Variants in SPAG16 observed in about 807,000 individuals in gnomAD.
SPAG16 encodes sperm-associated antigen 16 protein.
SPAG16 carries 86 observed loss-of-function variants against 80.4 expected under a neutral mutation model. The ratio of observed to expected loss-of-function variants is 1.07; its 90% confidence interval spans 0.90 to 1.28. The LOEUF is 1.28. Among genes scored for constraint, SPAG16 ranks in the 50% most tolerant of loss-of-function variants. The pLI is 0.00. For missense variants in SPAG16, 870 were observed against 765.3 expected (o/e 1.14, Z -1.61); for synonymous variants, 294 against 265.9 (o/e 1.11, Z -1.03).
At chr2:213,462,321 T>A (rs78595874) in intron 9 of SPAG16, among the ~76,000 whole-genome samples, 3,536 of 152,324 alleles carry the variant, frequency 0.023, 56 homozygotes, top group South Asian at 0.038. Flanking sequence ...ATATTCAGTC[T>A]TTACAAATTG....
chr2:213,962,920 C>G (rs2044525707), intron 12 of SPAG16, among the ~76,000 whole-genome samples: 1 of 151,964 alleles, frequency 6.6e-6, no homozygotes, highest in South Asian at 2.1e-4. Context: ...TTAGTCTTCT[C>G]TGTTTTTTTT....
At chr2:213,472,930 G>A (rs185538516) in intron 9 of SPAG16, among the ~76,000 whole-genome samples, 1 of 152,198 alleles carries the variant, frequency 6.6e-6, no homozygotes, top group African/African-American at 2.4e-5. Flanking sequence ...ATGGGAGAAA[G>A]ATTAACAGCA....
At chr2:214,122,702 A>C (rs1167040169) in intron 14 of SPAG16, among the ~76,000 whole-genome samples, 1 of 151,878 alleles carries the variant, frequency 6.6e-6, no homozygotes, top group Non-Finnish European at 1.5e-5. Flanking sequence ...ATCCACCTTG[A>C]TGTCAACTAC....
intron 10 of SPAG16, among the ~76,000 whole-genome samples, chr2:213,688,955 G>C (rs1219400672): frequency 6.6e-6 from 1 of 151,928 alleles, no homozygotes; most frequent in Non-Finnish European, 1.5e-5. Flanking sequence ...TTGATGTAAT[G>C]ACTTAAAATG....
intron 12 of SPAG16, 80 bp from the exon 13 acceptor site, chr2:214,013,871 G>A: frequency 7.2e-7 from 1 of 1,394,086 alleles, no homozygotes. Flanking sequence ...TCATGCCTCA[G>A]TTCCTTAAAT....
chr2:214,214,104 C>T (rs1170195261), intron 15 of SPAG16, among the ~76,000 whole-genome samples: 2 of 151,874 alleles, frequency 1.3e-5, no homozygotes, highest in African/African-American at 4.8e-5. Flanking sequence ...TCTATGGAAA[C>T]AATTTGCTTT....
At chr2:213,676,773 G>A (rs2064102318) in intron 10 of SPAG16, among the ~76,000 whole-genome samples, 1 of 150,586 alleles carries the variant, frequency 6.6e-6, no homozygotes, top group Non-Finnish European at 1.5e-5. Flanking sequence ...TGTGCTGCTG[G>A]ATTCGGTTTG....
intron 10 of SPAG16, among the ~76,000 whole-genome samples, chr2:213,760,766 T>A (rs913218261): frequency 2.0e-5 from 3 of 152,176 alleles, no homozygotes; most frequent in Non-Finnish European, 2.9e-5. Flanking sequence ...ACTGGATAAT[T>A]TATATAAAAA....
chr2:213,452,508 T>C (rs976486176), intron 9 of SPAG16, among the ~76,000 whole-genome samples: 1 of 152,222 alleles, frequency 6.6e-6, no homozygotes, highest in Non-Finnish European at 1.5e-5. Flanking sequence ...CTAACCCTAG[T>C]CAAATCACAT....
At chr2:213,934,047 G>A (rs1178252743) in intron 12 of SPAG16, among the ~76,000 whole-genome samples, 1 of 152,142 alleles carries the variant, frequency 6.6e-6, no homozygotes, top group Non-Finnish European at 1.5e-5. Flanking sequence ...TCTCAATATG[G>A]CCACAGAGGA....
chr2:214,170,226 G>GGTGTGTATACA (rs1576405802), intron 15 of SPAG16, among the ~76,000 whole-genome samples: 7,000 of 123,294 alleles, frequency 0.057, 1,538 homozygotes, highest in African/African-American at 0.14. Flanking sequence ...GTGTGTATAC[G>GGTGTGTATACA]TATACACACA....
chr2:213,898,711 G>C (rs147961403), intron 11 of SPAG16, among the ~76,000 whole-genome samples: 410 of 152,114 alleles, frequency 2.7e-3, no homozygotes, highest in Non-Finnish European at 3.9e-3. Context: ...TTTTAAACAT[G>C]GTTTAAATGA....
At chr2:213,982,182 A>G (rs1393748641) in intron 12 of SPAG16, among the ~76,000 whole-genome samples, 5 of 149,454 alleles carry the variant, frequency 3.3e-5, no homozygotes, top group Admixed American at 1.3e-4. Flanking sequence ...TTATTAACCT[A>G]TATTCTAAAG....
At chr2:213,670,992 A>G (rs115282317) in intron 10 of SPAG16, among the ~76,000 whole-genome samples, 3,136 of 152,338 alleles carry the variant, frequency 0.021, 90 homozygotes, top group African/African-American at 0.061. Flanking sequence ...ACATGGATAC[A>G]TAAAAGTGTC....
intron 15 of SPAG16, among the ~76,000 whole-genome samples, chr2:214,215,316 A>G (rs770680306): frequency 1.3e-5 from 2 of 152,072 alleles, no homozygotes; most frequent in African/African-American, 2.4e-5. Context: ...GCTCACCTCC[A>G]GGTGAGCCAG....
chr2:214,365,194 G>A (rs1487349378), intron 15 of SPAG16, among the ~76,000 whole-genome samples: 2 of 152,134 alleles, frequency 1.3e-5, no homozygotes, highest in African/African-American at 4.8e-5. Context: ...TGAGTTTGTG[G>A]GAGAAGATTA....
intron 13 of SPAG16, among the ~76,000 whole-genome samples, chr2:214,064,504 T>G (rs1222468180): frequency 2.0e-5 from 3 of 152,126 alleles, no homozygotes; most frequent in Non-Finnish European, 4.4e-5. Flanking sequence ...CTACATTGTA[T>G]GTGTATTATT....
chr2:213,803,067 T>A (rs576606855), intron 10 of SPAG16, among the ~76,000 whole-genome samples: 1 of 152,280 alleles, frequency 6.6e-6, no homozygotes, highest in South Asian at 2.1e-4. Context: ...AGTAGATATA[T>A]CTTTATAATA....
At chr2:214,186,307 A>C (rs979614122) in intron 15 of SPAG16, among the ~76,000 whole-genome samples, 1 of 152,142 alleles carries the variant, frequency 6.6e-6, no homozygotes, top group Admixed American at 6.6e-5. Flanking sequence ...GTTAAAATGC[A>C]TGGTCCAGGT....
Sources: gnomAD v4.1 joint callset for allele counts (sites outside exome capture counted in the v4.1 genomes callset) on GRCh38, gnomAD v4.1.1 for gene constraint, MANE v1.5 for transcripts, NCBI Gene and HGNC (gene_info 2026-07-23, HGNC 2026-07-21) for gene names.